Variants in PRKCH observed in about 807,000 individuals in gnomAD.
PRKCH encodes the protein protein kinase C eta type.
A neutral mutation model predicts 82.5 loss-of-function variants in PRKCH; 28 were observed. That is an observed-to-expected ratio of 0.34 (90% CI 0.25 to 0.47). The LOEUF (loss-of-function observed/expected upper bound fraction) is 0.47. Among genes scored for constraint, PRKCH ranks in the 20% least tolerant of loss-of-function variants. The pLI is 1.00. For missense variants in PRKCH, 705 were observed against 881.8 expected (o/e 0.80, Z 2.54); for synonymous variants, 322 against 327.4 (o/e 0.98, Z 0.18).
intron 10 of PRKCH, among the ~76,000 whole-genome samples, chr14:61,505,674 C>T (rs115514321): frequency 0.016 from 2,495 of 152,074 alleles, 81 homozygotes; most frequent in African/African-American, 0.057. Flanking sequence ...CACGCCCAGC[C>T]GGATTTCTTT....
intron 2 of PRKCH, among the ~76,000 whole-genome samples, chr14:61,392,856 T>A (rs199696816): frequency 6.7e-6 from 1 of 150,046 alleles, no homozygotes; most frequent in Middle Eastern, 3.4e-3. Flanking sequence ...TTTTTTTTTT[T>A]AAGAAGCAAA....
In PRKCH at chr14:61,322,386, C is replaced by T. The variant is rs1328525462; in HGVS notation, c.285C>T (p.Asp95=). 8 of 1,612,910 alleles carry T rather than the reference C, an allele frequency of 5.0e-6. No individual in the cohort carries two copies. The East Asian group carries it at 1.3e-4, about 27-fold the overall frequency. The change falls in exon 1 of 14, where the codon GAC becomes GAT. Residue 95 remains aspartate (D), a synonymous_variant. Coordinates refer to ENST00000332981, the MANE Select transcript of PRKCH (RefSeq NM_006255.5). ...AVFHETPLGY[D]HFVANCTLQF... ...TCCACGAGACGCCCCTGGGCTACGA[C>T]CACTTCGTGGCCAACTGCACCCTGC... is the stretch of plus-strand genomic sequence containing the variant.
intron 1 of PRKCH, among the ~76,000 whole-genome samples, chr14:61,229,137 C>T (rs1461822894): frequency 1.3e-5 from 2 of 151,854 alleles, no homozygotes; most frequent in African/African-American, 4.8e-5. Context: ...AATAACTCCC[C>T]AAATGGAAAT....
In PRKCH at chr14:61,281,326, C is replaced by T. The variant is rs1315730910; in HGVS notation, c.-19+93658C>T. The T allele has an allele frequency of 4.0e-5, 15 of 376,994 alleles. No homozygotes were observed. The East Asian group carries it at 6.4e-4, about 16-fold the overall frequency. 23.4% of individuals were successfully genotyped at this position (376,994 alleles called of 1,614,324 possible). On this transcript the variant is annotated intron_variant, in intron 1 of 3. Coordinates refer to the PRKCH transcript ENST00000555185. ...CGTCACAGGTGAGTTTAGTTCCAGG[C>T]CCTACGAGCAGTGCCCACACCCTCC...
At chr14:61,462,177 A>G (rs1437832032) in intron 9 of PRKCH, among the ~76,000 whole-genome samples, 1 of 152,200 alleles carries the variant, frequency 6.6e-6, no homozygotes, top group Non-Finnish European at 1.5e-5. Flanking sequence ...CAATCACTTG[A>G]GCCTAAGTGT....
In PRKCH at chr14:61,322,088, G is replaced by T. The variant is rs981714955; in HGVS notation, c.-14G>T. The T allele has an allele frequency of 1.3e-6, 2 of 1,530,792 alleles. No homozygotes were observed. The highest frequency in any genetic ancestry group is 1.4e-5 in the African/African-American group (1 of 72,842). The allele number at this position is 1,530,792 out of a possible 1,614,324, so 94.8% of individuals were successfully genotyped here. A position where few individuals can be genotyped will look rare whatever the true frequency, so the allele number is the denominator to read the frequency against. ...AGCAGCGCGGCCCCCCGGGGCCGGGGCAGCGGCGCCGGCATGTCGTCTGGC... is the reference window on the plus strand; with the variant it reads ...AGCAGCGCGGCCCCCCGGGGCCGGGTCAGCGGCGCCGGCATGTCGTCTGGC... On this transcript the variant is annotated 5_prime_UTR_variant, in exon 1 of 14. Coordinates refer to ENST00000332981, the MANE Select transcript of PRKCH (RefSeq NM_006255.5).
At chr14:61,475,911 TA>T (rs1333234600) in intron 9 of PRKCH, among the ~76,000 whole-genome samples, 3 of 152,234 alleles carry the variant, frequency 2.0e-5, no homozygotes, top group African/African-American at 7.2e-5. Flanking sequence ...TTGTCAGGAT[TA>T]GGGTGATTTT....
At chr14:61,500,212 CT>C (rs776037135) in intron 10 of PRKCH, among the ~76,000 whole-genome samples, 20 of 150,594 alleles carry the variant, frequency 1.3e-4, no homozygotes, top group South Asian at 4.2e-4. Context: ...AAGACTTGGT[CT>C]TTTTTTTTGA....
intron 7 of PRKCH, among the ~76,000 whole-genome samples, chr14:61,454,192 C>T (rs905510434): frequency 1.3e-5 from 2 of 151,924 alleles, no homozygotes; most frequent in Non-Finnish European, 2.9e-5. Flanking sequence ...CAACCTCCAC[C>T]TCCCAGGTTC....
At chr14:61,483,185 T>C (rs1017980522) in intron 9 of PRKCH, among the ~76,000 whole-genome samples, 1 of 152,256 alleles carries the variant, frequency 6.6e-6, no homozygotes, top group African/African-American at 2.4e-5. Context: ...CATAAAACCT[T>C]ACTATGCAGA....
chr14:61,506,494 C>G (rs1428649223), intron 10 of PRKCH, among the ~76,000 whole-genome samples: 4 of 152,068 alleles, frequency 2.6e-5, no homozygotes, highest in Non-Finnish European at 4.4e-5. Context: ...TGTGAACCCC[C>G]CTGGACTCTC....
intron 10 of PRKCH, among the ~76,000 whole-genome samples, chr14:61,521,100 A>G (rs2042899771): frequency 6.6e-6 from 1 of 152,234 alleles, no homozygotes; most frequent in Admixed American, 6.5e-5. Flanking sequence ...AATTGTTGAG[A>G]AAAGTATTTT....
chr14:61,265,593 C>A (rs2045092883), intron 1 of PRKCH, among the ~76,000 whole-genome samples: 1 of 152,208 alleles, frequency 6.6e-6, no homozygotes, highest in Non-Finnish European at 1.5e-5. Context: ...CCAGGATCAC[C>A]ACCTCCCAAG....
At chr14:61,206,328 C>A (rs2044523680) in intron 1 of PRKCH, among the ~76,000 whole-genome samples, 1 of 152,198 alleles carries the variant, frequency 6.6e-6, no homozygotes, top group African/African-American at 2.4e-5. Flanking sequence ...TAGCTCCCAG[C>A]AGTTCTTGGC....
At chr14:61,281,186 G>T in intron 1 of PRKCH, 1 of 1,240,680 alleles carries the variant, frequency 8.1e-7, no homozygotes, top group South Asian at 3.4e-5. Context: ...CTGACCGAGT[G>T]GGGGCCCCGC....
intron 1 of PRKCH, among the ~76,000 whole-genome samples, chr14:61,325,485 T>C (rs1453055555): frequency 6.6e-6 from 1 of 152,232 alleles, no homozygotes; most frequent in African/African-American, 2.4e-5. Flanking sequence ...AAATGGATTA[T>C]AGACCTAAAT....
At chr14:61,467,045 T>C (rs568040177) in intron 9 of PRKCH, among the ~76,000 whole-genome samples, 102 of 152,304 alleles carry the variant, frequency 6.7e-4, no homozygotes, top group African/African-American at 2.4e-3. Flanking sequence ...TTCTTTCCTT[T>C]GTATTACTTT....
intron 1 of PRKCH, among the ~76,000 whole-genome samples, chr14:61,291,774 C>T (rs1023983200): frequency 3.3e-5 from 5 of 152,060 alleles, no homozygotes; most frequent in South Asian, 2.1e-4. Flanking sequence ...GACCTTGAAA[C>T]GCGGTGGTAT....
At chr14:61,286,705 G>A (rs979708750) in intron 1 of PRKCH, among the ~76,000 whole-genome samples, 5 of 152,032 alleles carry the variant, frequency 3.3e-5, no homozygotes, top group African/African-American at 7.3e-5. Flanking sequence ...GAACCTGGGA[G>A]GTGGAGGTTG....
Sources: allele counts gnomAD v4.1 joint callset (sites outside exome capture counted in the v4.1 genomes callset), GRCh38; gene constraint gnomAD v4.1.1; transcripts MANE v1.5; gene names NCBI Gene and HGNC (gene_info 2026-07-23, HGNC 2026-07-21).